CLN8: variants seen among roughly 807,000 people sequenced by gnomAD.
CLN8 encodes protein CLN8.
A neutral mutation model predicts 15.7 loss-of-function variants in CLN8; 14 were observed. The ratio of observed to expected loss-of-function variants is 0.89; its 90% confidence interval spans 0.59 to 1.39. The LOEUF (loss-of-function observed/expected upper bound fraction) is 1.39. CLN8 is among the 40% of genes most tolerant of loss of function. The pLI is 0.00. For missense variants in CLN8, 415 were observed against 364.0 expected (o/e 1.14, Z -1.14); for synonymous variants, 188 against 151.0 (o/e 1.25, Z -1.80).
intron 1 of CLN8, among the ~76,000 whole-genome samples, chr8:1,769,237 A>C: frequency 6.6e-6 from 1 of 152,208 alleles, no homozygotes; most frequent in Admixed American, 6.5e-5. Context: ...TGTCATTTGC[A>C]TCAGGTCCCA....
intron 2 of CLN8, among the ~76,000 whole-genome samples, chr8:1,772,083 G>C (rs567468616): frequency 6.6e-6 from 1 of 151,808 alleles, no homozygotes; most frequent in Non-Finnish European, 1.5e-5. Flanking sequence ...CTACAGGTGC[G>C]CACCACCACA....
At chr8:1,777,711 C>G (rs1323382985) in intron 2 of CLN8, among the ~76,000 whole-genome samples, 1 of 152,196 alleles carries the variant, frequency 6.6e-6, no homozygotes, top group Non-Finnish European at 1.5e-5. Context: ...TCTTCCACCT[C>G]CACACCTTGT....
chr8:1,780,496 A>G lies in CLN8; in HGVS notation c.790A>G (p.Asn264Asp). Residue 264 changes from asparagine (N) to aspartate (D), a missense_variant, in exon 3 of 3, where the codon AAC becomes GAC. Coordinates refer to ENST00000331222, the MANE Select transcript of CLN8 (RefSeq NM_018941.4). ...TQQLLNPVDW[N>D]FAQPEAKSRP... ...GCAGCTTCTCAATCCGGTGGACTGG[A>G]ACTTCGCACAGCCAGAAGCCAAGAG... The G allele has an allele frequency of 6.2e-7, 1 of 1,614,226 alleles. No individual in the cohort carries two copies. The highest frequency in any genetic ancestry group is 8.5e-7 in the Non-Finnish European group (1 of 1,180,052).
At chr8:1,775,389 T>C (rs1243927413) in intron 2 of CLN8, among the ~76,000 whole-genome samples, 1 of 152,178 alleles carries the variant, frequency 6.6e-6, no homozygotes, top group Non-Finnish European at 1.5e-5. Flanking sequence ...TAAGTATAGA[T>C]GTAACTGCCG....
chr8:1,777,384 C>G (rs1801561902), intron 2 of CLN8, among the ~76,000 whole-genome samples: 1 of 152,164 alleles, frequency 6.6e-6, no homozygotes, highest in South Asian at 2.1e-4. Flanking sequence ...TCACTGTACT[C>G]TCCTATAGAC....
In CLN8 at chr8:1,785,821, C is replaced by T. The variant is rs111509273; in HGVS notation, c.*5254C>T. 181 of 165,534 alleles carry T rather than the reference C, an allele frequency of 1.1e-3. No homozygotes were observed. Among genetic ancestry groups the T allele is most frequent in the African/African-American group, 4.2e-3 (177 of 41,788 alleles). 10.3% of individuals were successfully genotyped at this position (165,534 alleles called of 1,614,324 possible). ...GCTCCCTAAACCCCTGCTGTGGCTT[C>T]GGCAGTAAAGACAGGACGCACCCAT... On this transcript the variant is annotated 3_prime_UTR_variant, in exon 3 of 3. Coordinates refer to ENST00000331222, the MANE Select transcript of CLN8 (RefSeq NM_018941.4).
At chr8:1,765,561 A>T (rs925077832) in intron 1 of CLN8, among the ~76,000 whole-genome samples, 1 of 152,206 alleles carries the variant, frequency 6.6e-6, no homozygotes, top group Admixed American at 6.5e-5. Flanking sequence ...TATAATTCTC[A>T]TGTAAATAGC....
chr8:1,770,231 T>G (rs966420691), intron 1 of CLN8, among the ~76,000 whole-genome samples: 2 of 152,112 alleles, frequency 1.3e-5, no homozygotes, highest in African/African-American at 4.8e-5. Flanking sequence ...TGATGCCAAC[T>G]TGGGGAAGGT....
chr8:1,771,075 G>C lies in CLN8; in HGVS notation c.21G>C (p.Gly7=), dbSNP rs751762914. The change falls in exon 2 of 3, where the codon GGG becomes GGC. Residue 7 remains glycine, a synonymous_variant. Coordinates refer to ENST00000331222, the MANE Select transcript of CLN8 (RefSeq NM_018941.4). ...GGACAATGAATCCTGCGAGCGATGG[G>C]GGCACATCAGAGAGCATTTTTGACC... MNPASD[G]GTSESIFDLD... 1.9e-6 allele frequency: 3 copies of C among 1,613,888 alleles called. No individual in the cohort carries two copies. In the African/African-American group the frequency reaches 4.0e-5, roughly 22 times the overall value.
Position 1,783,982 on chromosome 8 carries a change from GT to G in CLN8, c.*3418del, listed in dbSNP as rs1483580449. On this transcript the variant is annotated 3_prime_UTR_variant, in exon 3 of 3. Coordinates refer to ENST00000331222, the MANE Select transcript of CLN8 (RefSeq NM_018941.4). ...GTGACAAAACACCTAAGACTGGGTAGTTTATAAAGAACAGACATTCAGGCCA... is the reference window on the plus strand; with the variant it reads ...GTGACAAAACACCTAAGACTGGGTAGTTATAAAGAACAGACATTCAGGCCA... 6.6e-6 allele frequency: 1 copy of G among 152,284 alleles called. No individual in the cohort carries two copies. The highest frequency in any genetic ancestry group is 1.5e-5 in the Non-Finnish European group (1 of 68,112). The allele number at this position is 152,284 out of a possible 1,614,324, so 9.4% of individuals were successfully genotyped here. A position where few individuals can be genotyped will look rare whatever the true frequency, so the allele number is the denominator to read the frequency against.
In CLN8 at chr8:1,770,942, G is replaced by A; in HGVS notation, c.-113G>A. Reference sequence around the variant, plus strand: ...TGATCTTTCTTTTAGATTGAAGATGGATACGTGACAATCCCAGGGACCGCT... The same window carrying A: ...TGATCTTTCTTTTAGATTGAAGATGAATACGTGACAATCCCAGGGACCGCT... On this transcript the variant is annotated 5_prime_UTR_variant, in exon 2 of 3. Transcript: ENST00000331222. 1 of 916,072 alleles carries A rather than the reference G, an allele frequency of 1.1e-6. No individual in the cohort carries two copies. The highest frequency in any genetic ancestry group is 1.3e-5 in the South Asian group (1 of 74,236). 56.7% of individuals were successfully genotyped at this position (916,072 alleles called of 1,614,324 possible). A position where few individuals can be genotyped will look rare whatever the true frequency, so the allele number is the denominator to read the frequency against.
rs1563114301 is a variant in CLN8, at chr8:1,780,406, T to A, written c.700T>A (p.Phe234Ile). 6.2e-7 allele frequency: 1 copy of A among 1,614,236 alleles called. No homozygotes were observed. Among genetic ancestry groups the A allele is most frequent in the Non-Finnish European group, 8.5e-7 (1 of 1,180,036 alleles). ...SSLYLPHLTL[F>I]LVGLALLTLI... The stretch of plus-strand genomic sequence containing the variant: ...CCTGTATCTGCCTCATTTGACACTG[T>A]TCCTTGTCGGACTGGCTCTGCTTAC... Residue 234 changes from phenylalanine to isoleucine, a missense_variant, in exon 3 of 3, where the codon TTC becomes ATC. Coordinates refer to ENST00000331222, the MANE Select transcript of CLN8 (RefSeq NM_018941.4).
intron 1 of CLN8, among the ~76,000 whole-genome samples, chr8:1,766,276 C>T (rs559885163): frequency 2.6e-4 from 39 of 152,222 alleles, no homozygotes; most frequent in Admixed American, 1.4e-3. Flanking sequence ...GTTGTTTATT[C>T]TCCGGCTCCA....
intron 2 of CLN8, among the ~76,000 whole-genome samples, chr8:1,777,926 A>G (rs1585148167): frequency 6.6e-6 from 1 of 152,262 alleles, no homozygotes; most frequent in African/African-American, 2.4e-5. Flanking sequence ...GTTCAGCTCC[A>G]TTATAATCTT....
chr8:1,778,295 AC>A (rs1014627323), intron 2 of CLN8, among the ~76,000 whole-genome samples: 1 of 152,232 alleles, frequency 6.6e-6, no homozygotes, highest in Non-Finnish European at 1.5e-5. Flanking sequence ...ACCTCCAAGA[AC>A]TTGTAGCCTA....
chr8:1,765,979 A>G (rs182961012), intron 1 of CLN8, among the ~76,000 whole-genome samples: 68 of 152,328 alleles, frequency 4.5e-4, no homozygotes, highest in African/African-American at 1.6e-3. Context: ...ATGAAAAACA[A>G]AAATGCTGGT....
chr8:1,776,161 C>A (rs1163513611), intron 2 of CLN8, among the ~76,000 whole-genome samples: 1 of 152,054 alleles, frequency 6.6e-6, no homozygotes, highest in Non-Finnish European at 1.5e-5. Flanking sequence ...CCCCGGCACA[C>A]AAATGATGAC....
At chr8:1,775,948 A>G (rs1254787258) in intron 2 of CLN8, among the ~76,000 whole-genome samples, 2 of 152,122 alleles carry the variant, frequency 1.3e-5, no homozygotes, top group Admixed American at 1.3e-4. Context: ...GCACATATGC[A>G]TGTGGTGCGG....
chr8:1,785,718 G>C lies in CLN8; in HGVS notation c.*5151G>C, dbSNP rs952579705. 6.4e-6 allele frequency: 1 copy of C among 156,878 alleles called. No individual in the cohort carries two copies. The allele number at this position is 156,878 out of a possible 1,614,324, so 9.7% of individuals were successfully genotyped here. A position where few individuals can be genotyped will look rare whatever the true frequency, so the allele number is the denominator to read the frequency against. On this transcript the variant is annotated 3_prime_UTR_variant, in exon 3 of 3. Coordinates refer to ENST00000331222, the MANE Select transcript of CLN8 (RefSeq NM_018941.4). Reference sequence around the variant, plus strand: ...GTCAGATTACGGTGGCACAGGCTGCGTGGGGTTAGACAGGTACCGGTCAGA... The same window carrying C: ...GTCAGATTACGGTGGCACAGGCTGCCTGGGGTTAGACAGGTACCGGTCAGA...
Sources: gnomAD v4.1 joint callset for allele counts (sites outside exome capture counted in the v4.1 genomes callset) on GRCh38, gnomAD v4.1.1 for gene constraint, MANE v1.5 for transcripts, NCBI Gene and HGNC (gene_info 2026-07-23, HGNC 2026-07-21) for gene names.